The following JAZF1 variants were observed in gnomAD, a reference collection of about 807,000 sequenced individuals.
JAZF1 encodes juxtaposed with another zinc finger protein 1.
JAZF1 carries 8 observed loss-of-function variants against 26.4 expected under a neutral mutation model. That is an observed-to-expected ratio of 0.30 (90% CI 0.18 to 0.55). The LOEUF (loss-of-function observed/expected upper bound fraction) is 0.55, where lower values mean the gene tolerates loss of function less well. Ranked by LOEUF, JAZF1 falls within the 20% of genes least tolerant of loss-of-function variation. The probability of loss-of-function intolerance (pLI) is 0.94; values close to 1 mark genes in which losing one functional copy is unlikely to be tolerated. For synonymous variants in JAZF1, 126 were observed against 122.3 expected (o/e 1.03, Z -0.20); for missense variants, 199 against 322.0 (o/e 0.62, Z 2.92).
intron 3 of JAZF1, among the ~76,000 whole-genome samples, chr7:27,857,633 G>T (rs1783295621): frequency 6.6e-6 from 1 of 152,186 alleles, no homozygotes; most frequent in Admixed American, 6.5e-5. Context: ...CAGAACCAAT[G>T]ACAAAAACCA....
chr7:27,942,141 C>T (rs1444821971), intron 2 of JAZF1, among the ~76,000 whole-genome samples: 2 of 152,260 alleles, frequency 1.3e-5, no homozygotes, highest in African/African-American at 4.8e-5. Context: ...CATCTGTTTA[C>T]TTTCTTCCCA....
At chr7:27,956,829 T>C (rs566647828) in intron 2 of JAZF1, among the ~76,000 whole-genome samples, 1 of 152,186 alleles carries the variant, frequency 6.6e-6, no homozygotes, top group Non-Finnish European at 1.5e-5. Flanking sequence ...TATTTTCAAA[T>C]TGTTAATTCA....
intron 2 of JAZF1, among the ~76,000 whole-genome samples, chr7:27,949,193 A>T (rs1784968269): frequency 6.6e-6 from 1 of 152,076 alleles, no homozygotes; most frequent in African/African-American, 2.4e-5. Context: ...GGCCAGGGAG[A>T]GTTGAGGAGA....
chr7:27,968,758 T>C (rs1785321162), intron 2 of JAZF1, among the ~76,000 whole-genome samples: 1 of 152,220 alleles, frequency 6.6e-6, no homozygotes, highest in African/African-American at 2.4e-5. Context: ...ATCATACTTA[T>C]TTGGCCCAGG....
intron 3 of JAZF1, among the ~76,000 whole-genome samples, chr7:27,860,489 C>T (rs1403597917): frequency 6.6e-6 from 1 of 152,328 alleles, no homozygotes; most frequent in South Asian, 2.1e-4. Flanking sequence ...TTCTCATCTT[C>T]ATCCTCCTCC....
intron 2 of JAZF1, among the ~76,000 whole-genome samples, chr7:27,950,098 C>T (rs1784984779): frequency 6.6e-6 from 1 of 152,196 alleles, no homozygotes. Context: ...TTGAGCTTTG[C>T]ACCGGTTAAC....
intron 4 of JAZF1, among the ~76,000 whole-genome samples, chr7:27,836,582 G>A (rs572346802): frequency 4.4e-4 from 67 of 152,290 alleles, no homozygotes; most frequent in Middle Eastern, 6.8e-3. Flanking sequence ...TGTACACAGC[G>A]GAGAAGATGA....
intron 1 of JAZF1, among the ~76,000 whole-genome samples, chr7:28,117,065 C>T (rs183756070): frequency 1.3e-3 from 196 of 152,284 alleles, no homozygotes; most frequent in Non-Finnish European, 3.2e-4. Flanking sequence ...CTCAGATGAT[C>T]CACCCGCCTT....
intron 3 of JAZF1, among the ~76,000 whole-genome samples, chr7:27,884,250 A>G (rs1490588521): frequency 1.3e-5 from 2 of 152,160 alleles, no homozygotes; most frequent in Non-Finnish European, 2.9e-5. Context: ...TCCCTGCCTC[A>G]GCCCCGAGTA....
intron 3 of JAZF1, among the ~76,000 whole-genome samples, chr7:27,848,082 T>C (rs1390093422): frequency 6.6e-6 from 1 of 152,222 alleles, no homozygotes; most frequent in Admixed American, 6.5e-5. Context: ...GGATTGTTTT[T>C]ACTGTTTCCG....
At chr7:28,144,391 G>GT (rs1318883743) in intron 1 of JAZF1, among the ~76,000 whole-genome samples, 1 of 152,250 alleles carries the variant, frequency 6.6e-6, no homozygotes, top group Non-Finnish European at 1.5e-5. Flanking sequence ...GTCTGGAATT[G>GT]TAAGTTCTCA....
At chr7:27,849,611 G>A (rs1471342767) in intron 3 of JAZF1, among the ~76,000 whole-genome samples, 1 of 152,122 alleles carries the variant, frequency 6.6e-6, no homozygotes, top group Non-Finnish European at 1.5e-5. Flanking sequence ...TTCAGTTGGG[G>A]AAATGAGCAA....
chr7:28,093,761 A>T (rs1007313032), intron 1 of JAZF1, among the ~76,000 whole-genome samples: 15 of 152,156 alleles, frequency 9.9e-5, no homozygotes, highest in Non-Finnish European at 1.6e-4. Flanking sequence ...GGCAAACCCA[A>T]AAGACAGGTG....
At chr7:28,023,435 G>T (rs1011024484) in intron 1 of JAZF1, among the ~76,000 whole-genome samples, 1 of 152,140 alleles carries the variant, frequency 6.6e-6, no homozygotes, top group Non-Finnish European at 1.5e-5. Context: ...GGAAAACTAA[G>T]GTTTTAAGAG....
chr7:27,857,314 C>T (rs1445251098), intron 3 of JAZF1, among the ~76,000 whole-genome samples: 5 of 152,204 alleles, frequency 3.3e-5, no homozygotes, highest in Non-Finnish European at 5.9e-5. Context: ...AGTGCGGGGA[C>T]CGCCGAGCCC....
chr7:28,057,762 T>G (rs1025383882), intron 1 of JAZF1, among the ~76,000 whole-genome samples: 1 of 152,200 alleles, frequency 6.6e-6, no homozygotes, highest in African/African-American at 2.4e-5. Flanking sequence ...GTTCAAAATA[T>G]TCTTTTATTA....
chr7:28,000,628 T>C (rs1216401724), intron 1 of JAZF1, among the ~76,000 whole-genome samples: 2 of 144,578 alleles, frequency 1.4e-5, no homozygotes, highest in East Asian at 5.1e-4. Flanking sequence ...CTTTCTTTTT[T>C]TTTTTTTTTT....
intron 2 of JAZF1, among the ~76,000 whole-genome samples, chr7:27,978,662 C>T (rs75314216): frequency 0.017 from 2,655 of 152,250 alleles, 73 homozygotes; most frequent in African/African-American, 0.059. Context: ...ACACTACTCC[C>T]ATCAGATGCT....
At chr7:27,836,102 C>G (rs1420039808) in intron 4 of JAZF1, among the ~76,000 whole-genome samples, 2 of 152,138 alleles carry the variant, frequency 1.3e-5, no homozygotes, top group African/African-American at 4.8e-5. Context: ...AATCCATAGT[C>G]CATATTTCCT....
Sources: gnomAD v4.1 joint callset for allele counts (sites outside exome capture counted in the v4.1 genomes callset) on GRCh38, gnomAD v4.1.1 for gene constraint, MANE v1.5 for transcripts, NCBI Gene and HGNC (gene_info 2026-07-23, HGNC 2026-07-21) for gene names.